Variants in KLHL1 observed in about 807,000 individuals in gnomAD.
The protein encoded by KLHL1 is kelch like family member 1, also known as kelch-like protein 1.
Under a neutral mutation model 77.7 loss-of-function variants are expected in KLHL1, and 47 were observed. The observed-to-expected ratio is 0.60, with a 90% CI of 0.48 to 0.77. KLHL1 has a LOEUF of 0.77. KLHL1 is among the 30% of genes least tolerant of loss of function. The pLI is 0.00. For missense variants in KLHL1, 925 were observed against 910.8 expected, an observed-to-expected ratio of 1.02 and a Z score of -0.20; for synonymous variants, 360 against 325.2, an observed-to-expected ratio of 1.11 and a Z score of -1.15.
chr13:70,100,436 T>A (rs1334711177), intron 1 of KLHL1, among the ~76,000 whole-genome samples: 1 of 152,138 alleles, frequency 6.6e-6, no homozygotes, highest in African/African-American at 2.4e-5. Context: ...TTATAGACAA[T>A]TGTATCTGCA....
Position 69,812,580 on chromosome 13 carries a change from A to G in KLHL1, c.1415-15618T>C, listed in dbSNP as rs145773887. On this transcript the variant is annotated intron_variant, in intron 6 of 10. Transcript: ENST00000377844. ...AATGTTTGCAATCTACTCATCTGAC[A>G]AAGGGCTAATATCCAGAATCTACAA... Among the ~76,000 whole-genome samples, 814 of 152,316 alleles carry G rather than the reference A, an allele frequency of 5.3e-3. 4 individuals carry two copies. The highest frequency in any genetic ancestry group is 0.019 in the African/African-American group (775 of 41,572).
chr13:70,045,342 C>A (rs1179059355), intron 1 of KLHL1, among the ~76,000 whole-genome samples: 1 of 152,032 alleles, frequency 6.6e-6, no homozygotes, highest in Non-Finnish European at 1.5e-5. Context: ...TTCTCAATTG[C>A]AAGCATACTC....
At chr13:69,750,819 C>A (rs556719438) in intron 7 of KLHL1, among the ~76,000 whole-genome samples, 1 of 151,894 alleles carries the variant, frequency 6.6e-6, no homozygotes. Context: ...TTATTTCATT[C>A]TTTCTTTGGC....
intron 2 of KLHL1, among the ~76,000 whole-genome samples, chr13:69,963,478 T>A (rs1211779782): frequency 2.0e-5 from 3 of 152,116 alleles, no homozygotes; most frequent in African/African-American, 7.2e-5. Context: ...ATAGTAAATA[T>A]TTTACATGTT....
chr13:69,768,183 C>A (rs1875397061), intron 7 of KLHL1, among the ~76,000 whole-genome samples: 1 of 152,204 alleles, frequency 6.6e-6, no homozygotes, highest in East Asian at 1.9e-4. Flanking sequence ...TTTAGCTTAC[C>A]AAGCTGCAAA....
chr13:70,019,477 G>GA (rs1198439937), intron 1 of KLHL1, among the ~76,000 whole-genome samples: 1 of 32,080 alleles, frequency 3.1e-5, no homozygotes, highest in African/African-American at 1.1e-4. Context: ...CTGATAGTGA[G>GA]GGGCTAGTGG....
At chr13:69,949,925 T>C (rs1721549541) in intron 3 of KLHL1, among the ~76,000 whole-genome samples, 2 of 151,510 alleles carry the variant, frequency 1.3e-5, no homozygotes, top group Admixed American at 6.6e-5. Flanking sequence ...TCTGGCCTCC[T>C]CTCTCTCTTG....
intron 1 of KLHL1, among the ~76,000 whole-genome samples, chr13:70,058,198 T>G: frequency 6.6e-6 from 1 of 152,202 alleles, no homozygotes; most frequent in Non-Finnish European, 1.5e-5. Context: ...ATGCCAACTT[T>G]CACCACTGTT....
At chr13:69,934,011 T>C (rs908971695) in intron 4 of KLHL1, among the ~76,000 whole-genome samples, 1 of 152,148 alleles carries the variant, frequency 6.6e-6, no homozygotes, top group African/African-American at 2.4e-5. Context: ...GGGTTTATTA[T>C]CCCATTCTAG....
intron 4 of KLHL1, among the ~76,000 whole-genome samples, chr13:69,908,200 A>G (rs949082656): frequency 7.2e-5 from 11 of 151,966 alleles, no homozygotes; most frequent in African/African-American, 2.7e-4. Flanking sequence ...TAGATTTGTA[A>G]GAGAAGAGAA....
intron 1 of KLHL1, among the ~76,000 whole-genome samples, chr13:70,097,210 A>C (rs1887812782): frequency 6.6e-6 from 1 of 152,030 alleles, no homozygotes; most frequent in South Asian, 2.1e-4. Context: ...AAGAGTTTGT[A>C]CTTAACAAGA....
intron 1 of KLHL1, among the ~76,000 whole-genome samples, chr13:69,977,226 A>C (rs1213009404): frequency 4.6e-5 from 7 of 152,130 alleles, no homozygotes; most frequent in African/African-American, 1.7e-4. Flanking sequence ...ACAGTCTCCC[A>C]GTTGCTACAG....
Position 69,979,177 on chromosome 13 carries a change from AAT to A in KLHL1, c.498-3377_498-3376del, listed in dbSNP as rs199627421. 2.4e-3 allele frequency among the ~76,000 whole-genome samples: 352 copies of A among 145,178 alleles called. 3 individuals carry two copies. Among genetic ancestry groups the A allele is most frequent in the East Asian group, 6.1e-3 (31 of 5,058 alleles). ...AATTAGATAAGAGGCTCAAAAAAAA[AAT>A]AAATAAGTTCCAGTTCTCTCCTAGA... On this transcript the variant is annotated intron_variant, in intron 1 of 10. Transcript: ENST00000377844.
intron 1 of KLHL1, among the ~76,000 whole-genome samples, chr13:70,027,649 G>GTTTTTTTTTTTTTTTTTTTT (rs1185282462): frequency 1.8e-5 from 2 of 109,334 alleles, no homozygotes; most frequent in Non-Finnish European, 3.5e-5. Flanking sequence ...CAAAATGTAA[G>GTTTTTTTTTTTTTTTTTTTT]TTGTTTTTTT....
At chr13:70,104,200 G>A (rs1887992030) in intron 1 of KLHL1, among the ~76,000 whole-genome samples, 2 of 152,164 alleles carry the variant, frequency 1.3e-5, no homozygotes, top group Admixed American at 1.3e-4. Context: ...AGACAGGGAA[G>A]TAGAGAAATT....
intron 1 of KLHL1, among the ~76,000 whole-genome samples, chr13:70,012,901 T>A (rs199700432): frequency 1.3e-5 from 2 of 150,148 alleles, no homozygotes; most frequent in African/African-American, 2.5e-5. Context: ...AGATTCTGTA[T>A]AAAAAAAATA....
At chr13:69,756,617 A>C (rs1046857656) in intron 7 of KLHL1, among the ~76,000 whole-genome samples, 5 of 152,190 alleles carry the variant, frequency 3.3e-5, no homozygotes, top group Admixed American at 2.0e-4. Context: ...AGAAAACTTA[A>C]GATTCAATAT....
intron 2 of KLHL1, among the ~76,000 whole-genome samples, chr13:69,965,187 A>T (rs1884177734): frequency 6.6e-6 from 1 of 152,218 alleles, no homozygotes; most frequent in African/African-American, 2.4e-5. Flanking sequence ...CAGATACTGC[A>T]GTTTTTTAAA....
chr13:69,815,193 T>C (rs542907475), intron 6 of KLHL1, among the ~76,000 whole-genome samples: 154 of 152,282 alleles, frequency 1.0e-3, no homozygotes, highest in African/African-American at 3.5e-3. Flanking sequence ...CCAAGCAATC[T>C]CATTACTGGG....
Sources: gnomAD v4.1 joint callset for allele counts (sites outside exome capture counted in the v4.1 genomes callset) on GRCh38, gnomAD v4.1.1 for gene constraint, MANE v1.5 for transcripts, NCBI Gene and HGNC (gene_info 2026-07-23, HGNC 2026-07-21) for gene names.